The following PTPRD variants were observed in gnomAD, a reference collection of about 807,000 sequenced individuals.
PTPRD encodes the protein receptor-type tyrosine-protein phosphatase delta.
A neutral mutation model predicts 214.5 loss-of-function variants in PTPRD; 34 were observed. The ratio of observed to expected loss-of-function variants is 0.16; its 90% CI spans 0.12 to 0.21. The LOEUF is 0.21. Among genes scored for constraint, PTPRD ranks in the 10% least tolerant of loss-of-function variants. PTPRD has a pLI of 1.00. For synonymous variants in PTPRD, 1,128 were observed against 845.7 expected (o/e 1.33, Z -5.79); for missense variants, 2,545 against 2,398.7 (o/e 1.06, Z -1.27).
chr9:10,328,957 G>A (rs1001477681), intron 3 of PTPRD, among the ~76,000 whole-genome samples: 1 of 151,674 alleles, frequency 6.6e-6, no homozygotes, highest in African/African-American at 2.4e-5. Context: ...GCTACACTGT[G>A]CAAAATATAT....
At chr9:8,674,178 A>G (rs1271029160) in intron 12 of PTPRD, among the ~76,000 whole-genome samples, 1 of 152,128 alleles carries the variant, frequency 6.6e-6, no homozygotes, top group Non-Finnish European at 1.5e-5. Flanking sequence ...AGCATTTAAA[A>G]AGCCTGAAGT....
In PTPRD at chr9:9,729,430, A is replaced by G. The variant is rs148070997; in HGVS notation, c.-287+5103T>C. Among the ~76,000 whole-genome samples, 205 of 152,214 alleles carry G rather than the reference A, an allele frequency of 1.3e-3. 1 individual carries two copies. The highest frequency in any genetic ancestry group is 4.6e-3 in the African/African-American group (190 of 41,554). ...CTTTACTTCCATTTTCCCTTGGCCAAAAGTAATCCTATGACCACACCTAAC... is the reference window on the plus strand; with the variant it reads ...CTTTACTTCCATTTTCCCTTGGCCAGAAGTAATCCTATGACCACACCTAAC... On this transcript the variant is annotated intron_variant, in intron 7 of 45. Transcript: ENST00000381196.
chr9:9,282,609 G>T (rs1948104181), intron 9 of PTPRD, among the ~76,000 whole-genome samples: 1 of 151,266 alleles, frequency 6.6e-6, no homozygotes, highest in Admixed American at 6.6e-5. Context: ...TGAATAGATG[G>T]TATTGATTAT....
chr9:8,327,358 A>T (rs569522945), intron 44 of PTPRD, among the ~76,000 whole-genome samples: 1 of 148,754 alleles, frequency 6.7e-6, no homozygotes, highest in Non-Finnish European at 1.5e-5. Context: ...TTTTTTTTTT[A>T]AATCTTGAGT....
At chr9:9,369,023 G>T (rs150322794) in intron 9 of PTPRD, among the ~76,000 whole-genome samples, 1 of 151,826 alleles carries the variant, frequency 6.6e-6, no homozygotes, top group Non-Finnish European at 1.5e-5. Flanking sequence ...TTGGTTTCTT[G>T]TCCTTGCGAT....
At chr9:9,109,808 T>A (rs921109865) in intron 10 of PTPRD, among the ~76,000 whole-genome samples, 9 of 152,180 alleles carry the variant, frequency 5.9e-5, no homozygotes, top group African/African-American at 2.2e-4. Flanking sequence ...TGCCTAGATA[T>A]GGTGGCCTTC....
At chr9:8,916,059 A>G (rs957648042) in intron 11 of PTPRD, among the ~76,000 whole-genome samples, 2 of 152,156 alleles carry the variant, frequency 1.3e-5, no homozygotes, top group Non-Finnish European at 2.9e-5. Flanking sequence ...AGGAAGCCCA[A>G]GGTTTTATAT....
chr9:9,530,203 A>G (rs2075139442), intron 8 of PTPRD, among the ~76,000 whole-genome samples: 1 of 152,326 alleles, frequency 6.6e-6, no homozygotes, highest in Non-Finnish European at 1.5e-5. Context: ...CAAAGGATCA[A>G]TGAAACACAA....
chr9:10,187,048 T>G (rs1420974579), intron 3 of PTPRD, among the ~76,000 whole-genome samples: 1 of 152,172 alleles, frequency 6.6e-6, no homozygotes, highest in African/African-American at 2.4e-5. Context: ...TTTTAAGAAA[T>G]CAACATAAGA....
At chr9:8,960,420 G>A (rs10816020) in intron 11 of PTPRD, among the ~76,000 whole-genome samples, 42,611 of 152,014 alleles carry the variant, frequency 0.28, 6,742 homozygotes, top group Non-Finnish European at 0.36. Context: ...ACAGGGACGT[G>A]TACTAGGACA....
At chr9:8,424,648 C>T (rs1011262661) in intron 35 of PTPRD, among the ~76,000 whole-genome samples, 1 of 125,344 alleles carries the variant, frequency 8.0e-6, no homozygotes, top group African/African-American at 3.1e-5. Flanking sequence ...TATAAAAATA[C>T]TCTGTTAAAC....
intron 9 of PTPRD, among the ~76,000 whole-genome samples, chr9:9,376,133 A>C (rs551736049): frequency 1.7e-3 from 259 of 152,256 alleles, no homozygotes; most frequent in African/African-American, 6.1e-3. Context: ...TGATTATGTT[A>C]CGTATTTCAG....
At chr9:10,503,332 G>A (rs1001267609) in intron 2 of PTPRD, among the ~76,000 whole-genome samples, 2 of 151,564 alleles carry the variant, frequency 1.3e-5, no homozygotes, top group African/African-American at 2.4e-5. Context: ...GCAAAAGAAG[G>A]TTCGTTTTTA....
At chr9:10,517,641 T>C (rs138765235) in intron 2 of PTPRD, among the ~76,000 whole-genome samples, 57 of 152,194 alleles carry the variant, frequency 3.7e-4, no homozygotes, top group Admixed American at 3.0e-3. Flanking sequence ...TCTATAGTTA[T>C]AGCTGTCTAT....
chr9:8,751,606 C>A (rs1027703461), intron 11 of PTPRD, among the ~76,000 whole-genome samples: 2 of 152,258 alleles, frequency 1.3e-5, no homozygotes, highest in Non-Finnish European at 2.9e-5. Flanking sequence ...AAGCCAAGGC[C>A]TGCTGTGAGT....
chr9:9,780,717 C>G (rs1267603067), intron 5 of PTPRD, among the ~76,000 whole-genome samples: 2 of 152,188 alleles, frequency 1.3e-5, no homozygotes, highest in African/African-American at 4.8e-5. Context: ...TAAGTCCTGA[C>G]AAGAACCTGT....
chr9:9,792,515 T>C lies in PTPRD; in HGVS notation c.-367-25664A>G, dbSNP rs534237724. Among the ~76,000 whole-genome samples, 6 of 152,316 alleles carry C rather than the reference T, an allele frequency of 3.9e-5. No homozygotes were observed. The South Asian group carries it at 1.2e-3, about 32-fold the overall frequency. On this transcript the variant is annotated intron_variant, in intron 5 of 45. Transcript: ENST00000381196. Reference sequence around the variant, plus strand: ...TTCCCATTTACCCCACTGGCATTCTTCTCCTAGTAGCCCTGGAGGAAAAAA... The same window carrying C: ...TTCCCATTTACCCCACTGGCATTCTCCTCCTAGTAGCCCTGGAGGAAAAAA...
intron 7 of PTPRD, among the ~76,000 whole-genome samples, chr9:9,659,960 A>ACT (rs2096591143): frequency 6.6e-6 from 1 of 151,998 alleles, no homozygotes; most frequent in African/African-American, 2.4e-5. Flanking sequence ...TACATATATT[A>ACT]CTCTCTTCTG....
rs141578396 is a variant in PTPRD at position 8,906,254 on chromosome 9, T to C, written c.-104+112443A>G. On this transcript the variant is annotated intron_variant, in intron 11 of 45. Transcript: ENST00000381196. ...GGTTTATAGAAGTTTAAAAGTTTGATAGCAAGGAGCTAAGCACTGTTTTTT... is the reference window on the plus strand; with the variant it reads ...GGTTTATAGAAGTTTAAAAGTTTGACAGCAAGGAGCTAAGCACTGTTTTTT... Among the ~76,000 whole-genome samples, 212 of 152,332 alleles carry C rather than the reference T, an allele frequency of 1.4e-3. 6 individuals are homozygous for C. In the East Asian group the frequency reaches 0.032, roughly 23 times the overall value.
Sources: allele counts gnomAD v4.1 joint callset (sites outside exome capture counted in the v4.1 genomes callset), GRCh38; gene constraint gnomAD v4.1.1; transcripts MANE v1.5; gene names NCBI Gene and HGNC (gene_info 2026-07-23, HGNC 2026-07-21).